Variants in ADTRP observed in about 807,000 individuals in gnomAD.
ADTRP encodes the protein androgen-dependent TFPI-regulating protein.
In ADTRP, 20 loss-of-function variants were observed where a neutral mutation model predicts 27.0. The ratio of observed to expected loss-of-function variants is 0.74; its 90% CI spans 0.52 to 1.08. ADTRP has a LOEUF of 1.08. Ranked by LOEUF, ADTRP falls within the 50% of genes least tolerant of loss-of-function variation. The probability of loss-of-function intolerance (pLI) is 0.00; values close to 1 mark genes in which losing one functional copy is unlikely to be tolerated. For missense variants in ADTRP, 251 were observed against 275.0 expected, an observed-to-expected ratio of 0.91 and a Z score of 0.62; for synonymous variants, 101 against 105.2, an observed-to-expected ratio of 0.96 and a Z score of 0.25.
At chr6:11,717,325 G>C (rs1221054945) in intron 5 of ADTRP, 1 of 1,304,182 alleles carries the variant, frequency 7.7e-7, no homozygotes, top group Admixed American at 2.3e-5. Context: ...TTCTTGACCA[G>C]TTGGTGCTTG....
At chr6:11,769,317 G>T (rs1763683462) in intron 1 of ADTRP, among the ~76,000 whole-genome samples, 1 of 152,144 alleles carries the variant, frequency 6.6e-6, no homozygotes, top group South Asian at 2.1e-4. Context: ...TAGAGCCTGG[G>T]GAGCTGGGCT....
intron 3 of ADTRP, among the ~76,000 whole-genome samples, chr6:11,755,408 G>C (rs775342676): frequency 3.9e-5 from 6 of 152,230 alleles, no homozygotes; most frequent in Non-Finnish European, 8.8e-5. Flanking sequence ...GAAAAGGCAT[G>C]CTTTCATCAT....
At chr6:11,740,500 C>G (rs1393474285) in intron 3 of ADTRP, among the ~76,000 whole-genome samples, 2 of 151,990 alleles carry the variant, frequency 1.3e-5, no homozygotes, top group Non-Finnish European at 2.9e-5. Flanking sequence ...GAAATGGAGG[C>G]AAAACAAACC....
chr6:11,770,108 A>G lies in ADTRP; in HGVS notation c.154-1725T>C, dbSNP rs769309052. 1.0e-5 allele frequency: 16 copies of G among 1,550,128 alleles called. No homozygotes were observed. The South Asian group carries it at 1.8e-4, about 17-fold the overall frequency. On this transcript the variant is annotated intron_variant, in intron 1 of 5. Coordinates refer to ENST00000414691, the MANE Select transcript of ADTRP (RefSeq NM_032744.4). ...AGCTAGACTTCGAAAAAATAAAAAA[A>G]ATTATCAGGTTTCTGAGCGTAGTTC...
chr6:11,770,558 A>G (rs1006133291), intron 1 of ADTRP, among the ~76,000 whole-genome samples: 1 of 152,120 alleles, frequency 6.6e-6, no homozygotes, highest in Admixed American at 6.5e-5. Flanking sequence ...CCGGGGGTAG[A>G]AGAGCCAGAA....
intron 1 of ADTRP, chr6:11,769,964 C>T: frequency 2.0e-6 from 3 of 1,500,264 alleles, no homozygotes; most frequent in African/African-American, 1.4e-5. Context: ...CTCATAACAA[C>T]CTTACGAGCC....
intron 3 of ADTRP, among the ~76,000 whole-genome samples, chr6:11,742,140 A>T (rs570073072): frequency 1.3e-5 from 2 of 152,210 alleles, no homozygotes; most frequent in South Asian, 4.2e-4. Context: ...AAAAGTTTTA[A>T]TGTTGCTACT....
At chr6:11,726,586 G>T (rs1309201534) in intron 4 of ADTRP, among the ~76,000 whole-genome samples, 1 of 152,182 alleles carries the variant, frequency 6.6e-6, no homozygotes, top group Non-Finnish European at 1.5e-5. Flanking sequence ...TTCTCAGCCT[G>T]CAGAATATGA....
At chr6:11,740,276 T>A (rs1281239680) in intron 3 of ADTRP, among the ~76,000 whole-genome samples, 1 of 152,244 alleles carries the variant, frequency 6.6e-6, no homozygotes, top group Non-Finnish European at 1.5e-5. Flanking sequence ...TTTGGTTTGC[T>A]TATGGTACTT....
rs112338485 is a variant in ADTRP at position 11,771,749 on chromosome 6, G to A, written c.154-3366C>T. 9.3e-3 allele frequency among the ~76,000 whole-genome samples: 1,416 copies of A among 152,210 alleles called. 19 individuals are homozygous for A. The highest frequency in any genetic ancestry group is 0.032 in the African/African-American group (1,345 of 41,500). On this transcript the variant is annotated intron_variant, in intron 1 of 5. Coordinates refer to ENST00000414691, the MANE Select transcript of ADTRP (RefSeq NM_032744.4). ...TAAAGTGGTGATGAAGTTAAAATGAGGTCACGATGGTGCACCCTAATTCAC... is the reference window on the plus strand; with the variant it reads ...TAAAGTGGTGATGAAGTTAAAATGAAGTCACGATGGTGCACCCTAATTCAC...
At chr6:11,760,023 T>G (rs1763347412) in intron 3 of ADTRP, among the ~76,000 whole-genome samples, 1 of 152,194 alleles carries the variant, frequency 6.6e-6, no homozygotes, top group Non-Finnish European at 1.5e-5. Context: ...ACTCTGCTGG[T>G]ACATGGATTT....
intron 5 of ADTRP, among the ~76,000 whole-genome samples, chr6:11,719,701 A>G (rs1238045236): frequency 6.6e-6 from 1 of 152,234 alleles, no homozygotes; most frequent in African/African-American, 2.4e-5. Flanking sequence ...TCAGAAGCAG[A>G]GATTCCAACA....
In ADTRP at chr6:11,722,133, AT is replaced by A. The variant is rs1184876570; in HGVS notation, c.658+1215del. Among the ~76,000 whole-genome samples the A allele has an allele frequency of 9.5e-3, 1,389 of 146,796 alleles. 34 individuals carry two copies. Among genetic ancestry groups the A allele is most frequent in the Admixed American group, 0.05 (736 of 14,700 alleles). On this transcript the variant is annotated intron_variant, in intron 5 of 5. Coordinates refer to ENST00000414691, the MANE Select transcript of ADTRP (RefSeq NM_032744.4). Reference sequence around the variant, plus strand: ...GTCAACACATCTGAAATGTCAACACATTTTTTTTTTTGCGATAATTTTCTGT... The same window carrying A: ...GTCAACACATCTGAAATGTCAACACATTTTTTTTTTGCGATAATTTTCTGT...
chr6:11,751,032 T>C (rs1763029313), intron 3 of ADTRP, among the ~76,000 whole-genome samples: 1 of 152,154 alleles, frequency 6.6e-6, no homozygotes, highest in South Asian at 2.1e-4. Flanking sequence ...TTGTATTTTT[T>C]GTAGAGATGG....
In ADTRP at chr6:11,755,255, A is replaced by AT. The variant is rs368870626; in HGVS notation, c.390+11018dup. 1,572 of 182,204 alleles carry AT rather than the reference A, an allele frequency of 8.6e-3. 8 individuals are homozygous for AT. The highest frequency in any genetic ancestry group is 0.012 in the Non-Finnish European group (1,200 of 97,224). The allele number at this position is 182,204 out of a possible 1,614,324, so 11.3% of individuals were successfully genotyped here. A position where few individuals can be genotyped will look rare whatever the true frequency, so the allele number is the denominator to read the frequency against. ...CTTTGACCTTGATTGAGAAATTAGA[A>AT]TTTTTTTTTTTACTGGTTTTCTTCT... On this transcript the variant is annotated intron_variant, in intron 3 of 5. Coordinates refer to ENST00000414691, the MANE Select transcript of ADTRP (RefSeq NM_032744.4).
intron 1 of ADTRP, among the ~76,000 whole-genome samples, chr6:11,773,490 C>T (rs571456647): frequency 2.0e-5 from 3 of 152,302 alleles, no homozygotes; most frequent in African/African-American, 2.4e-5. Context: ...CAGAGCTGTC[C>T]GGGAGTGCAG....
At chr6:11,777,438 GAC>G (rs544654154) in intron 1 of ADTRP, among the ~76,000 whole-genome samples, 313 of 152,176 alleles carry the variant, frequency 2.1e-3, no homozygotes, top group African/African-American at 7.1e-3. Context: ...AGCCAATAGA[GAC>G]ACAAACCTTA....
chr6:11,746,058 T>C (rs929892589), intron 3 of ADTRP, among the ~76,000 whole-genome samples: 1 of 152,226 alleles, frequency 6.6e-6, no homozygotes, highest in Non-Finnish European at 1.5e-5. Flanking sequence ...CCGAAAGTGC[T>C]GGGATTTAGG....
At chr6:11,778,508 A>G (rs1364047798) in intron 1 of ADTRP, 99 bp downstream of exon 1, 1 of 1,413,928 alleles carries the variant, frequency 7.1e-7, no homozygotes, top group Non-Finnish European at 9.5e-7. Flanking sequence ...AAGACAAATA[A>G]CAAAATTGTG....
Sources: allele counts gnomAD v4.1 joint callset (sites outside exome capture counted in the v4.1 genomes callset), GRCh38; gene constraint gnomAD v4.1.1; transcripts MANE v1.5; gene names NCBI Gene and HGNC (gene_info 2026-07-23, HGNC 2026-07-21).